The following PYHIN1 variants were observed in gnomAD, a reference collection of about 807,000 sequenced individuals.
PYHIN1 encodes pyrin and HIN domain family member 1.
In PYHIN1, 32 loss-of-function variants were observed where a neutral mutation model predicts 43.7. That is an observed-to-expected ratio of 0.73 (90% confidence interval 0.55 to 0.98). The LOEUF (loss-of-function observed/expected upper bound fraction) is 0.98, where lower values mean the gene tolerates loss of function less well. PYHIN1 is among the 50% of genes least tolerant of loss of function. The pLI, the probability that PYHIN1 is intolerant of heterozygous loss-of-function variation, is 0.00. For synonymous variants in PYHIN1, 205 were observed against 203.1 expected, an observed-to-expected ratio of 1.01 and a Z score of -0.08; for missense variants, 588 against 589.5, an observed-to-expected ratio of 1.00 and a Z score of 0.03.
intron 2 of PYHIN1, 41 bp downstream of exon 2, chr1:158,937,216 C>A (rs746751061): frequency 3.7e-5 from 57 of 1,521,398 alleles, no homozygotes; most frequent in Non-Finnish European, 4.7e-5. Flanking sequence ...GCAATGATCC[C>A]CACCCTTCCC....
intron 7 of PYHIN1, among the ~76,000 whole-genome samples, chr1:158,958,699 A>T (rs1437509722): frequency 2.0e-5 from 3 of 151,166 alleles, no homozygotes; most frequent in Non-Finnish European, 2.9e-5. Flanking sequence ...TGGCACATGC[A>T]TACATATGTA....
At chr1:158,942,955 G>T (rs984161233) in intron 5 of PYHIN1, among the ~76,000 whole-genome samples, 5 of 152,032 alleles carry the variant, frequency 3.3e-5, no homozygotes, top group African/African-American at 1.2e-4. Flanking sequence ...TATAAATTTG[G>T]GTGATACTTG....
chr1:158,977,191 T>G (rs1014107463), downstream of PYHIN1: 1 of 152,290 alleles, frequency 6.6e-6, no homozygotes, highest in African/African-American at 2.4e-5. Context: ...TGGTTAAGAC[T>G]GAACTGACTG....
intron 7 of PYHIN1, among the ~76,000 whole-genome samples, chr1:158,964,128 G>GA (rs1557840945): frequency 1.3e-5 from 2 of 151,894 alleles, no homozygotes; most frequent in Non-Finnish European, 2.9e-5. Flanking sequence ...ATAACCTGAG[G>GA]AAAAAACCTC....
intron 7 of PYHIN1, among the ~76,000 whole-genome samples, chr1:158,949,924 G>T (rs1049468936): frequency 6.6e-6 from 1 of 152,198 alleles, no homozygotes; most frequent in Non-Finnish European, 1.5e-5. Flanking sequence ...CCATGATGTA[G>T]CCACAATTGG....
chr1:158,987,347 GT>G, the PYHIN1 span, among the ~76,000 whole-genome samples: 1 of 152,148 alleles, frequency 6.6e-6, no homozygotes, highest in Non-Finnish European at 1.5e-5. Context: ...CTTATTGGCT[GT>G]TTGTATATCT....
intron 7 of PYHIN1, among the ~76,000 whole-genome samples, chr1:158,955,054 A>G (rs1033901707): frequency 6.6e-6 from 1 of 152,082 alleles, no homozygotes; most frequent in Non-Finnish European, 1.5e-5. Context: ...AGAGCTAACT[A>G]TCCTAAATAT....
chr1:158,939,329 G>T (rs1648762320), intron 4 of PYHIN1, 82 bp downstream of exon 4: 3 of 1,586,918 alleles, frequency 1.9e-6, no homozygotes, highest in Non-Finnish European at 2.6e-6. Flanking sequence ...ACTGAAAAAT[G>T]ACATCAATCA....
chr1:158,990,028 A>G, the PYHIN1 span, among the ~76,000 whole-genome samples: 1 of 152,220 alleles, frequency 6.6e-6, no homozygotes, highest in Non-Finnish European at 1.5e-5. Context: ...AAATGTGTGA[A>G]TGAGTGTATG....
At chr1:158,954,384 C>A (rs1245475997) in intron 7 of PYHIN1, among the ~76,000 whole-genome samples, 1 of 37,794 alleles carries the variant, frequency 2.6e-5, no homozygotes, top group Non-Finnish European at 5.6e-5. Context: ...GGAAGCCCAT[C>A]AGACTAACAG....
chr1:158,954,275 G>C, intron 7 of PYHIN1, among the ~76,000 whole-genome samples: 1 of 59,542 alleles, frequency 1.7e-5, no homozygotes, highest in Non-Finnish European at 3.5e-5. Context: ...TCCTCGAGAA[G>C]AGCAACTCCA....
At position 158,937,186 on chromosome 1, in the gene PYHIN1, A is replaced by T; in HGVS notation, c.265+11A>T. The T allele has an allele frequency of 6.4e-7, 1 of 1,563,382 alleles. No homozygotes were observed. Among genetic ancestry groups the T allele is most frequent in the Non-Finnish European group, 8.6e-7 (1 of 1,157,784 alleles). On this transcript the variant is annotated intron_variant, in intron 2 of 8. Transcript: ENST00000368140. The stretch of plus-strand genomic sequence containing the variant: ...GAGAAAAGTTAAAAGGTAATTGGGA[A>T]GAGGGAACACCCACTCCCTGCAATG...
At chr1:158,958,486 C>G (rs545077748) in intron 7 of PYHIN1, among the ~76,000 whole-genome samples, 1 of 148,698 alleles carries the variant, frequency 6.7e-6, no homozygotes, top group Admixed American at 6.7e-5. Context: ...AATCATCATT[C>G]TCAGTAAACT....
rs1648947079 is a variant in PYHIN1 at position 158,942,013 on chromosome 1, A to G, written c.616A>G (p.Ser206Gly). ...KPLANRHATA[S>G]KNIFREDPII... ...ATTGGCCAACCGTCACGCAACTGCCAGTAAAAATATTTTCCGAGAAGACCC... is the reference window on the plus strand; with the variant it reads ...ATTGGCCAACCGTCACGCAACTGCCGGTAAAAATATTTTCCGAGAAGACCC... The change falls in exon 5 of 9, where the codon AGT becomes GGT. Residue 206 changes from serine to glycine, a missense_variant. Physicochemically the swap from Ser to Gly is moderately conservative, Grantham distance 56 (BLOSUM62 0). Transcript: ENST00000368140. The G allele has an allele frequency of 6.2e-7, 1 of 1,611,266 alleles. No homozygotes were observed. Among genetic ancestry groups the G allele is most frequent in the African/African-American group, 1.3e-5 (1 of 74,730 alleles).
At chr1:158,947,029 C>T (rs1649261320) in intron 7 of PYHIN1, among the ~76,000 whole-genome samples, 1 of 152,164 alleles carries the variant, frequency 6.6e-6, no homozygotes, top group African/African-American at 2.4e-5. Context: ...TGCCCAAAAA[C>T]CACATCATGC....
At chr1:158,940,224 T>C (rs1571725781) in intron 4 of PYHIN1, 1 of 136,832 alleles carries the variant, frequency 7.3e-6, no homozygotes, top group Admixed American at 7.7e-5. Flanking sequence ...AGACTCCATC[T>C]CAAAATAAAA....
At chr1:158,966,471 C>T (rs572683283) in intron 7 of PYHIN1, among the ~76,000 whole-genome samples, 1 of 151,946 alleles carries the variant, frequency 6.6e-6, no homozygotes, top group African/African-American at 2.4e-5. Context: ...CAAAAATCCT[C>T]AAAAAAATAC....
chr1:158,948,060 C>T (rs1329755536), intron 7 of PYHIN1, among the ~76,000 whole-genome samples: 1 of 152,174 alleles, frequency 6.6e-6, no homozygotes, highest in African/African-American at 2.4e-5. Flanking sequence ...ACATGTCCCC[C>T]TTTTCTGTTT....
Position 158,933,756 on chromosome 1 carries a change from T to A in PYHIN1, c.-21+1980T>A, listed in dbSNP as rs1426045795. On this transcript the variant is annotated intron_variant, in intron 1 of 8. Coordinates refer to ENST00000368140, the MANE Select transcript of PYHIN1 (RefSeq NM_152501.5). The surrounding 1 kb of genome is among the most constrained non-coding windows in gnomAD (Gnocchi z 6.3). The stretch of plus-strand genomic sequence containing the variant: ...AGACAATTACATTAGTAAACTCATA[T>A]TCTTTTTCTTCCCTCCCTCCACCAT... 6.6e-6 allele frequency among the ~76,000 whole-genome samples: 1 copy of A among 152,142 alleles called. No homozygotes were observed. The highest frequency in any genetic ancestry group is 1.5e-5 in the Non-Finnish European group (1 of 67,966).
Sources: allele counts gnomAD v4.1 joint callset (sites outside exome capture counted in the v4.1 genomes callset), GRCh38; gene constraint gnomAD v4.1.1; non-coding constraint Gnocchi (gnomAD v3.1); transcripts MANE v1.5; gene names NCBI Gene and HGNC (gene_info 2026-07-23, HGNC 2026-07-21).